Variants in GAL3ST2 observed in about 807,000 individuals in gnomAD.
GAL3ST2 encodes galactose-3-O-sulfotransferase 2.
In GAL3ST2, 16 loss-of-function variants were observed where a neutral mutation model predicts 12.9. That is an observed-to-expected ratio of 1.24 (90% confidence interval 0.84 to 1.88). GAL3ST2 has a LOEUF of 1.88. GAL3ST2 is among the 40% of genes most tolerant of loss of function. The pLI, the probability that GAL3ST2 is intolerant of heterozygous loss-of-function variation, is 0.00. For synonymous variants in GAL3ST2, 302 were observed against 273.9 expected (o/e 1.10, Z -1.01); for missense variants, 639 against 571.8 (o/e 1.12, Z -1.20).
Position 241,803,983 on chromosome 2 carries a change from C to CCTG in GAL3ST2, c.1016_1018dup (p.Leu339dup), listed in dbSNP as rs1559420072. The CCTG allele has an allele frequency of 1.3e-6, 2 of 1,549,348 alleles. No individual in the cohort carries two copies. Among genetic ancestry groups the CCTG allele is most frequent in the Admixed American group, 3.8e-5 (2 of 52,380 alleles). The stretch of plus-strand genomic sequence containing the variant: ...ACCACACGCAGATCAGAGACCCGCG[C>CCTG]CTGCGCCCCTACCAGTCCGGCAAGG... On this transcript the variant is annotated inframe_insertion, in exon 4 of 4. Coordinates refer to ENST00000192314, the MANE Select transcript of GAL3ST2 (RefSeq NM_022134.3).
Position 241,801,357 on chromosome 2 carries a change from T to TAAAA in GAL3ST2, c.120-423_120-422insAAAA. 5.3e-6 allele frequency: 1 copy of TAAAA among 190,204 alleles called. No homozygotes were observed. The highest frequency in any genetic ancestry group is 1.3e-4 in the South Asian group (1 of 7,532). The allele number at this position is 190,204 out of a possible 1,614,324, so 11.8% of individuals were successfully genotyped here. Reference sequence around the variant, plus strand: ...TGTGCCACATTTTCTTTACGGTCTCTATGTAACATTCACACCCGGCAGCTG... The same window carrying TAAAA: ...TGTGCCACATTTTCTTTACGGTCTCTAAAAATGTAACATTCACACCCGGCAGCTG... On this transcript the variant is annotated intron_variant, in intron 2 of 3. Coordinates refer to ENST00000192314, the MANE Select transcript of GAL3ST2 (RefSeq NM_022134.3). This position sits in a 1 kb window ranked among gnomAD's most constrained non-coding sequence, Gnocchi z 4.4.
chr2:241,778,933 T>TA, intron 1 of GAL3ST2, among the ~76,000 whole-genome samples: 1 of 152,258 alleles, frequency 6.6e-6, no homozygotes, highest in South Asian at 2.1e-4. Context: ...GGCAGTCAGA[T>TA]ACGCATTTAT....
chr2:241,778,629 A>G (rs977368588), intron 1 of GAL3ST2, among the ~76,000 whole-genome samples: 1 of 152,164 alleles, frequency 6.6e-6, no homozygotes, highest in Non-Finnish European at 1.5e-5. Flanking sequence ...GGTCTCGGTT[A>G]ATTTAGAAAG....
At chr2:241,791,522 G>T (rs1391730849) in intron 1 of GAL3ST2, among the ~76,000 whole-genome samples, 1 of 152,156 alleles carries the variant, frequency 6.6e-6, no homozygotes, top group Non-Finnish European at 1.5e-5. Flanking sequence ...GGCAAGAAAA[G>T]AATATCACTT....
In GAL3ST2 at chr2:241,787,215, A is replaced by C. The variant is rs1198749547; in HGVS notation, c.29+10231A>C. Among the ~76,000 whole-genome samples the C allele has an allele frequency of 3.9e-5, 6 of 152,330 alleles. No homozygotes were observed. In the East Asian group the frequency reaches 1.2e-3, roughly 29 times the overall value. ...GCCCTACAATGTATACATAAAAAAA[A>C]GCTAAGCTGTGCTCTGACTACCTTG... On this transcript the variant is annotated intron_variant, in intron 1 of 3. Coordinates refer to ENST00000192314, the MANE Select transcript of GAL3ST2 (RefSeq NM_022134.3).
intron 1 of GAL3ST2, among the ~76,000 whole-genome samples, chr2:241,797,138 C>T (rs776310993): frequency 5.9e-5 from 9 of 152,336 alleles, no homozygotes; most frequent in Non-Finnish European, 1.2e-4. Flanking sequence ...GGGTCACAGG[C>T]GTGAGCTGCC....
intron 1 of GAL3ST2, among the ~76,000 whole-genome samples, chr2:241,787,023 C>G (rs1699634874): frequency 6.6e-6 from 1 of 152,114 alleles, no homozygotes; most frequent in South Asian, 2.1e-4. Flanking sequence ...ATCAGAAACT[C>G]AGAGAGGGTA....
chr2:241,799,045 A>T lies in GAL3ST2; in HGVS notation c.30-20A>T, dbSNP rs566447730. ...CTGGCACGACCCGGACTGGGCACTCATGGCCTGCCCTTTCCACAGATACTT... is the reference window on the plus strand; with the variant it reads ...CTGGCACGACCCGGACTGGGCACTCTTGGCCTGCCCTTTCCACAGATACTT... On this transcript the variant is annotated intron_variant, in intron 1 of 3. Transcript: ENST00000192314. 1 of 1,600,036 alleles carries T rather than the reference A, an allele frequency of 6.2e-7. No individual in the cohort carries two copies. Among genetic ancestry groups the T allele is most frequent in the African/African-American group, 1.3e-5 (1 of 74,704 alleles).
chr2:241,800,361 G>A lies in GAL3ST2; in HGVS notation c.119+1207G>A, dbSNP rs1453166611. Among the ~76,000 whole-genome samples, 1 of 152,016 alleles carries A rather than the reference G, an allele frequency of 6.6e-6. No homozygotes were observed. Among genetic ancestry groups the A allele is most frequent in the African/African-American group, 2.4e-5 (1 of 41,374 alleles). On this transcript the variant is annotated intron_variant, in intron 2 of 3. Coordinates refer to ENST00000192314, the MANE Select transcript of GAL3ST2 (RefSeq NM_022134.3). The surrounding 1 kb of genome is among the most constrained non-coding windows in gnomAD (Gnocchi z 5.2). ...GACCCAGGCTGGGAGCGGGCACTTC[G>A]AGGGAGGGGGTGGGACAGGGGCTTA...
chr2:241,788,541 CTGT>C (rs1699654960), intron 1 of GAL3ST2, among the ~76,000 whole-genome samples: 1 of 148,456 alleles, frequency 6.7e-6, no homozygotes, highest in East Asian at 2.0e-4. Flanking sequence ...CTGAACTGAA[CTGT>C]TGTTTTCATA....
rs144925899 is a variant in GAL3ST2 at position 241,795,539 on chromosome 2, G to A, written c.30-3526G>A. On this transcript the variant is annotated intron_variant, in intron 1 of 3. Transcript: ENST00000192314. The surrounding 1 kb of genome is among the most constrained non-coding windows in gnomAD (Gnocchi z 4.5). The stretch of plus-strand genomic sequence containing the variant: ...GAACGAAGTGATGGCCAAGGGTGGT[G>A]GCTGAGAAACCCTGCTGGTGAAGTC... Among the ~76,000 whole-genome samples the A allele has an allele frequency of 2.6e-3, 392 of 152,314 alleles. 2 individuals carry two copies. Among genetic ancestry groups the A allele is most frequent in the African/African-American group, 9.0e-3 (376 of 41,572 alleles).
intron 3 of GAL3ST2, 147 bp from the exon 4 acceptor site, chr2:241,803,198 G>A (rs978557127): frequency 1.4e-5 from 9 of 651,750 alleles, no homozygotes; most frequent in Non-Finnish European, 2.3e-5. Context: ...GCTGCCGCAC[G>A]AGAAGGCGCC....
intron 2 of GAL3ST2, 48 bp downstream of exon 2, chr2:241,799,202 GC>G (rs1699814026): frequency 6.6e-7 from 1 of 1,516,126 alleles, no homozygotes; most frequent in Non-Finnish European, 9.2e-7. Context: ...CCTCCTAACA[GC>G]CCCGAGGACA....
In GAL3ST2 at chr2:241,793,659, T is replaced by C. The variant is rs1282003394; in HGVS notation, c.30-5406T>C. 2.1e-5 allele frequency among the ~76,000 whole-genome samples: 3 copies of C among 143,492 alleles called. No homozygotes were observed. In the East Asian group the frequency reaches 7.3e-4, roughly 35 times the overall value. The allele number at this position is 143,492 out of a possible 152,430, so 94.1% of individuals were successfully genotyped here. A position where few individuals can be genotyped will look rare whatever the true frequency, so the allele number is the denominator to read the frequency against. ...TGTGTGTACATATTGTGTATGCATA[T>C]GTGTGTGTATGCACATATTGTGTAT... On this transcript the variant is annotated intron_variant, in intron 1 of 3. Coordinates refer to ENST00000192314, the MANE Select transcript of GAL3ST2 (RefSeq NM_022134.3). The surrounding 1 kb of genome is among the most constrained non-coding windows in gnomAD (Gnocchi z 4.7).
intron 3 of GAL3ST2, among the ~76,000 whole-genome samples, 170 bp from the exon 4 acceptor site, chr2:241,803,175 C>T (rs1002141124): frequency 1.3e-5 from 2 of 152,200 alleles, no homozygotes; most frequent in African/African-American, 2.4e-5. Context: ...GTGGCCCTGG[C>T]TCTGCTCCCG....
At chr2:241,787,925 A>T (rs1479934470) in intron 1 of GAL3ST2, among the ~76,000 whole-genome samples, 1 of 152,196 alleles carries the variant, frequency 6.6e-6, no homozygotes, top group Non-Finnish European at 1.5e-5. Context: ...GTGGGTAACA[A>T]GGCCTCTCTA....
intron 1 of GAL3ST2, among the ~76,000 whole-genome samples, chr2:241,797,987 C>A (rs1365963223): frequency 1.3e-5 from 2 of 152,208 alleles, no homozygotes; most frequent in Admixed American, 1.3e-4. Context: ...CACTGAGACG[C>A]TACGGCCCAC....
intron 1 of GAL3ST2, among the ~76,000 whole-genome samples, chr2:241,788,766 C>T (rs370169587): frequency 6.6e-6 from 1 of 152,114 alleles, no homozygotes; most frequent in Non-Finnish European, 1.5e-5. Context: ...GATCACCCAG[C>T]GTTTTGAGCC....
At chr2:241,788,721 A>C (rs1699656904) in intron 1 of GAL3ST2, among the ~76,000 whole-genome samples, 1 of 152,172 alleles carries the variant, frequency 6.6e-6, no homozygotes. Flanking sequence ...AAGTTAATTT[A>C]AAAATAGTTC....
Sources: allele counts gnomAD v4.1 joint callset (sites outside exome capture counted in the v4.1 genomes callset), GRCh38; gene constraint gnomAD v4.1.1; non-coding constraint Gnocchi (gnomAD v3.1); transcripts MANE v1.5; gene names NCBI Gene and HGNC (gene_info 2026-07-23, HGNC 2026-07-21).